CADM2: variants seen among roughly 807,000 people sequenced by gnomAD.
The protein encoded by CADM2 is cell adhesion molecule 2.
Under a neutral mutation model 49.8 loss-of-function variants are expected in CADM2, and 12 were observed. That is an observed-to-expected ratio of 0.24 (90% CI 0.15 to 0.39). The LOEUF (loss-of-function observed/expected upper bound fraction) is 0.39, where lower values mean the gene tolerates loss of function less well. CADM2 is among the 10% of genes least tolerant of loss of function. The pLI, the probability that CADM2 is intolerant of heterozygous loss-of-function variation, is 1.00. For synonymous variants in CADM2, 214 were observed against 175.4 expected (o/e 1.22, Z -1.74); for missense variants, 378 against 492.3 (o/e 0.77, Z 2.20).
At chr3:85,003,437 G>A (rs1258405584) in intron 1 of CADM2, among the ~76,000 whole-genome samples, 3 of 152,112 alleles carry the variant, frequency 2.0e-5, no homozygotes, top group African/African-American at 7.2e-5. Flanking sequence ...GTAACTGAAA[G>A]CATTATATTA....
intron 1 of CADM2, among the ~76,000 whole-genome samples, chr3:85,316,760 A>G (rs1221195955): frequency 6.6e-6 from 1 of 152,154 alleles, no homozygotes; most frequent in Non-Finnish European, 1.5e-5. Flanking sequence ...GAGTTGACAT[A>G]TACTAGCTCC....
At chr3:85,675,245 C>A (rs1164947185) in intron 1 of CADM2, among the ~76,000 whole-genome samples, 3 of 152,130 alleles carry the variant, frequency 2.0e-5, no homozygotes, top group Admixed American at 2.0e-4. Flanking sequence ...TCCAAGTTTC[C>A]ATTTTTAAGG....
In CADM2 at chr3:85,041,983, A is replaced by G. The variant is rs1160288384; in HGVS notation, c.61+82315A>G. 2.0e-5 allele frequency among the ~76,000 whole-genome samples: 3 copies of G among 152,236 alleles called. No homozygotes were observed. The East Asian group carries it at 5.8e-4, about 29-fold the overall frequency. ...TAAAGGAACATTTGAAGGAGAAAAAAGGCTTGTTTCACACATGCATAATAT... is the reference window on the plus strand; with the variant it reads ...TAAAGGAACATTTGAAGGAGAAAAAGGGCTTGTTTCACACATGCATAATAT... On this transcript the variant is annotated intron_variant, in intron 1 of 9. Coordinates refer to ENST00000383699, the MANE Select transcript of CADM2 (RefSeq NM_001167675.2).
chr3:86,068,899 G>A lies in CADM2; in HGVS notation c.*2116G>A, dbSNP rs906554316. ...ATATGTTAATATAGTATGGTAGTTT[G>A]AGAGAATCAGGTAGGTGCTACTAGA... On this transcript the variant is annotated 3_prime_UTR_variant, in exon 10 of 10. Transcript: ENST00000383699. 9 of 152,326 alleles carry A rather than the reference G, an allele frequency of 5.9e-5. No individual in the cohort carries two copies. The highest frequency in any genetic ancestry group is 5.9e-5 in the Non-Finnish European group (4 of 67,852). The allele number at this position is 152,326 out of a possible 1,614,324, so 9.4% of individuals were successfully genotyped here. A position where few individuals can be genotyped will look rare whatever the true frequency, so the allele number is the denominator to read the frequency against.
intron 5 of CADM2, among the ~76,000 whole-genome samples, chr3:85,901,789 C>T (rs1462285495): frequency 2.0e-5 from 3 of 152,096 alleles, no homozygotes; most frequent in Non-Finnish European, 2.9e-5. Flanking sequence ...TGATAACTCC[C>T]GACTTTCCCC....
chr3:85,578,031 T>TTCCTTC (rs1169191871), intron 1 of CADM2, among the ~76,000 whole-genome samples: 8 of 59,420 alleles, frequency 1.3e-4, no homozygotes, highest in African/African-American at 7.1e-4. Context: ...TTCCTTCCTT[T>TTCCTTC]CTTCCCCCCC....
chr3:85,739,012 A>G (rs892944034), intron 2 of CADM2, among the ~76,000 whole-genome samples: 4 of 152,144 alleles, frequency 2.6e-5, no homozygotes, highest in Non-Finnish European at 4.4e-5. Context: ...AAAATAAAGT[A>G]TGTATAGTAC....
chr3:85,336,481 A>G (rs1247804124), intron 1 of CADM2, among the ~76,000 whole-genome samples: 2 of 151,522 alleles, frequency 1.3e-5, no homozygotes, highest in African/African-American at 4.8e-5. Flanking sequence ...GCAAATTGAT[A>G]GCGAATGTTT....
intron 1 of CADM2, among the ~76,000 whole-genome samples, chr3:85,270,599 T>A (rs1179919337): frequency 6.6e-6 from 1 of 151,178 alleles, no homozygotes; most frequent in Non-Finnish European, 1.5e-5. Context: ...AGTTCAAATC[T>A]GTGAAGCTGG....
chr3:85,646,494 G>T (rs1166280289), intron 1 of CADM2, among the ~76,000 whole-genome samples: 2 of 151,922 alleles, frequency 1.3e-5, no homozygotes, highest in African/African-American at 4.8e-5. Flanking sequence ...CAGGTAGTTT[G>T]CATTCACTGT....
chr3:85,007,431 A>G (rs1245573074), intron 1 of CADM2, among the ~76,000 whole-genome samples: 1 of 152,188 alleles, frequency 6.6e-6, no homozygotes, highest in Non-Finnish European at 1.5e-5. Context: ...TATTTACAAA[A>G]GCAGAAGGCC....
chr3:85,810,079 A>G lies in CADM2; in HGVS notation c.238+7883A>G, dbSNP rs1406341668. On this transcript the variant is annotated intron_variant, in intron 3 of 9. Transcript: ENST00000383699. ...CCAAAATGATGCACACCCAGAAAGTAGCGACAGTAGGAGAACATCCTACTT... is the reference window on the plus strand; with the variant it reads ...CCAAAATGATGCACACCCAGAAAGTGGCGACAGTAGGAGAACATCCTACTT... 5.3e-5 allele frequency among the ~76,000 whole-genome samples: 8 copies of G among 152,236 alleles called. No individual in the cohort carries two copies. In the East Asian group the frequency reaches 1.6e-3, roughly 30 times the overall value.
intron 1 of CADM2, among the ~76,000 whole-genome samples, chr3:85,364,023 G>T (rs1329942262): frequency 6.6e-6 from 1 of 152,146 alleles, no homozygotes; most frequent in Middle Eastern, 3.2e-3. Context: ...GTAACAACAG[G>T]TAATGCTAGA....
At chr3:85,699,806 T>A (rs1373069183) in intron 1 of CADM2, among the ~76,000 whole-genome samples, 1 of 152,244 alleles carries the variant, frequency 6.6e-6, no homozygotes, top group Non-Finnish European at 1.5e-5. Flanking sequence ...AGCATTTGAC[T>A]CCTTTTTACT....
chr3:85,886,423 G>A (rs1713663970), intron 5 of CADM2, 96 bp downstream of exon 5: 1 of 877,594 alleles, frequency 1.1e-6, no homozygotes, highest in South Asian at 1.7e-5. Context: ...AAAACATAGT[G>A]TCTCTTACAG....
In CADM2 at chr3:85,168,463, T is replaced by C. The variant is rs545852251; in HGVS notation, c.61+208795T>C. Among the ~76,000 whole-genome samples, 31 of 152,312 alleles carry C rather than the reference T, an allele frequency of 2.0e-4. No individual in the cohort carries two copies. In the South Asian group the frequency reaches 6.4e-3, roughly 32 times the overall value. On this transcript the variant is annotated intron_variant, in intron 1 of 9. Transcript: ENST00000383699. ...TGATAATACCTGTGTGGTATTCCAG[T>C]AAATATTTGTTATAATTATTTAACA...
intron 1 of CADM2, among the ~76,000 whole-genome samples, chr3:85,047,362 A>G (rs770240095): frequency 6.6e-6 from 1 of 152,182 alleles, no homozygotes; most frequent in Non-Finnish European, 1.5e-5. Context: ...TTATGCTAAT[A>G]GATTATAAAG....
At chr3:85,457,123 C>A (rs6807445) in intron 1 of CADM2, among the ~76,000 whole-genome samples, 131,821 of 152,200 alleles carry the variant, frequency 0.87, 57,222 homozygotes, top group East Asian at 0.95. Flanking sequence ...AAAAGAAAAG[C>A]AAAGAAAGGC....
chr3:85,746,486 A>T (rs1027966000), intron 2 of CADM2, among the ~76,000 whole-genome samples: 1 of 152,118 alleles, frequency 6.6e-6, no homozygotes, highest in Non-Finnish European at 1.5e-5. Flanking sequence ...CATTTTTCTA[A>T]ATTCAACAAA....
Sources: allele counts gnomAD v4.1 joint callset (sites outside exome capture counted in the v4.1 genomes callset), GRCh38; gene constraint gnomAD v4.1.1; transcripts MANE v1.5; gene names NCBI Gene and HGNC (gene_info 2026-07-23, HGNC 2026-07-21).